MYH11: variants seen among roughly 807,000 people sequenced by gnomAD.
The protein encoded by MYH11 is myosin-11.
Under a neutral mutation model 246.6 loss-of-function variants are expected in MYH11, and 80 were observed. The ratio of observed to expected loss-of-function variants is 0.32; its 90% CI spans 0.27 to 0.39. The LOEUF (loss-of-function observed/expected upper bound fraction) is 0.39, where lower values mean the gene tolerates loss of function less well. Among genes scored for constraint, MYH11 ranks in the 10% least tolerant of loss-of-function variants. The pLI is 1.00. For missense variants in MYH11, 2,158 were observed against 2,546.8 expected (o/e 0.85, Z 3.29); for synonymous variants, 1,071 against 1,015.5 (o/e 1.05, Z -1.04).
intron 7 of MYH11, among the ~76,000 whole-genome samples, chr16:15,776,392 T>C (rs1410266210): frequency 6.6e-6 from 1 of 150,882 alleles, no homozygotes; most frequent in East Asian, 2.0e-4. Flanking sequence ...GGGAATAGAG[T>C]GAAAAGAAAA....
intron 35 of MYH11, 124 bp from the exon 36 acceptor site, chr16:15,719,432 G>T: frequency 6.8e-7 from 1 of 1,467,866 alleles, no homozygotes; most frequent in East Asian, 2.3e-5. Context: ...GGGAGGCCCC[G>T]TGAATACATA....
At chr16:15,823,019 C>A (rs1409498536) in intron 3 of MYH11, among the ~76,000 whole-genome samples, 1 of 152,274 alleles carries the variant, frequency 6.6e-6, no homozygotes, top group Non-Finnish European at 1.5e-5. Context: ...GGGCAGCGAG[C>A]CCCGGAGCTG....
chr16:15,766,546 A>G (rs1027065764), intron 9 of MYH11, among the ~76,000 whole-genome samples: 3 of 151,870 alleles, frequency 2.0e-5, no homozygotes, highest in African/African-American at 7.3e-5. Context: ...TAATTTTTCT[A>G]TTTTTAGTAG....
At chr16:15,842,679 G>A (rs139255690) in intron 1 of MYH11, among the ~76,000 whole-genome samples, 14 of 143,718 alleles carry the variant, frequency 9.7e-5, no homozygotes, top group Admixed American at 1.5e-4. Flanking sequence ...CACGAGAATT[G>A]CTTGAACCCA....
intron 4 of MYH11, among the ~76,000 whole-genome samples, chr16:15,790,335 C>G (rs1012807620): frequency 2.8e-4 from 39 of 138,412 alleles, no homozygotes; most frequent in South Asian, 1.4e-3. Context: ...AACAAACAGA[C>G]AGACAAAAAA....
chr16:15,822,317 A>G (rs1276825649), intron 3 of MYH11, among the ~76,000 whole-genome samples: 1 of 152,106 alleles, frequency 6.6e-6, no homozygotes, highest in Non-Finnish European at 1.5e-5. Flanking sequence ...ACTTGTTTGC[A>G]TTAACTGCCT....
chr16:15,756,989 G>A (rs535033070), intron 13 of MYH11, among the ~76,000 whole-genome samples: 259 of 150,870 alleles, frequency 1.7e-3, no homozygotes, highest in African/African-American at 5.8e-3. Flanking sequence ...TAGTAGAGGC[G>A]GGGTTTCACC....
At chr16:15,780,260 TTGTCACATGTTGGGGGGGGGCCGC>T (rs2042316506) in intron 6 of MYH11, among the ~76,000 whole-genome samples, 1 of 147,078 alleles carries the variant, frequency 6.8e-6, no homozygotes, top group Non-Finnish European at 1.5e-5. Flanking sequence ...ATTATTTGGC[TTGTCACATGTTGGGGGGGGGCCGC>T]TGTTGTTAGT....
intron 4 of MYH11, chr16:15,790,955 CTTTTTTTTTTT>C (rs770852667): frequency 8.5e-6 from 1 of 118,226 alleles, no homozygotes; most frequent in East Asian, 2.4e-4. Context: ...TTTTTCTTTT[CTTTTTTTTTTT>C]TTTTTTTTGA....
rs147561726 is a variant in MYH11 at position 15,852,484 on chromosome 16, G to A, written c.-18+4457C>T. Among the ~76,000 whole-genome samples, 1,281 of 151,546 alleles carry A rather than the reference G, an allele frequency of 8.5e-3. 14 individuals are homozygous for A. Among genetic ancestry groups the A allele is most frequent in the African/African-American group, 0.03 (1,218 of 41,274 alleles). On this transcript the variant is annotated intron_variant, in intron 1 of 40. Transcript: ENST00000300036. ...AGTAGCTGGGATTACAGGTGCCCAC[G>A]ACCATGCCCAGATAATTTTTGTATT...
chr16:15,795,381 C>T (rs1364218790), intron 4 of MYH11, among the ~76,000 whole-genome samples: 1 of 152,084 alleles, frequency 6.6e-6, no homozygotes, highest in Non-Finnish European at 1.5e-5. Flanking sequence ...GAGGCCGAGG[C>T]TCCCCGGGTC....
intron 1 of MYH11, among the ~76,000 whole-genome samples, chr16:15,843,871 C>T (rs1198223908): frequency 6.6e-6 from 1 of 152,046 alleles, no homozygotes; most frequent in Middle Eastern, 3.4e-3. Flanking sequence ...AACCAGCTTC[C>T]GGGTGATGAT....
chr16:15,799,029 A>T (rs1199176534), intron 3 of MYH11, among the ~76,000 whole-genome samples: 1 of 152,204 alleles, frequency 6.6e-6, no homozygotes, highest in Non-Finnish European at 1.5e-5. Flanking sequence ...ATCTATACAG[A>T]TTGGGGTCCC....
chr16:15,849,293 AAGCTCTAGGATGACAGGCGTG>A (rs2044273365), intron 1 of MYH11, among the ~76,000 whole-genome samples: 1 of 152,060 alleles, frequency 6.6e-6, no homozygotes, highest in African/African-American at 2.4e-5. Context: ...TGGCTTCCCA[AAGCTCTAGGATGACAGGCGTG>A]AGTCACCTCG....
chr16:15,722,957 T>C (rs2040562574), intron 31 of MYH11, among the ~76,000 whole-genome samples: 1 of 152,098 alleles, frequency 6.6e-6, no homozygotes, highest in Admixed American at 6.5e-5. Context: ...TTGGCCAGGC[T>C]GGTCTCAAAC....
chr16:15,837,953 G>A lies in MYH11; in HGVS notation c.300C>T (p.Ser100=), dbSNP rs111662326. Residue 100 remains serine (S), a synonymous_variant, in exon 2 of 41, where the codon TCC becomes TCT. Transcript: ENST00000300036. ...ACCGCTCCCTCAGGTTGTGTAGCAC[G>A]GAGGCTTCGTTGAGGCACGTCAGCT... ...MAELTCLNEA[S]VLHNLRERYF... 1.3e-4 allele frequency: 208 copies of A among 1,614,042 alleles called. No homozygotes were observed. In the East Asian group the frequency reaches 1.9e-3, roughly 15 times the overall value.
At chr16:15,754,811 G>C (rs761332679) in intron 14 of MYH11, among the ~76,000 whole-genome samples, 3 of 152,162 alleles carry the variant, frequency 2.0e-5, no homozygotes, top group Non-Finnish European at 4.4e-5. Context: ...TTACAGTTGT[G>C]TGCCTGTAAT....
intron 8 of MYH11, among the ~76,000 whole-genome samples, chr16:15,772,027 G>A (rs964254192): frequency 3.3e-5 from 5 of 151,600 alleles, no homozygotes; most frequent in African/African-American, 1.2e-4. Context: ...ATTGTCTAGA[G>A]GCACCCTGCC....
At chr16:15,775,170 TA>T (rs775021739) in intron 8 of MYH11, among the ~76,000 whole-genome samples, 74 of 152,344 alleles carry the variant, frequency 4.9e-4, no homozygotes, top group Non-Finnish European at 8.8e-4. Flanking sequence ...TAAGAGTTAG[TA>T]AACAGCTGCA....
Sources: gnomAD v4.1 joint callset for allele counts (sites outside exome capture counted in the v4.1 genomes callset) on GRCh38, gnomAD v4.1.1 for gene constraint, MANE v1.5 for transcripts, NCBI Gene and HGNC (gene_info 2026-07-23, HGNC 2026-07-21) for gene names.